HECTD4: variants seen among roughly 807,000 people sequenced by gnomAD.
HECTD4 encodes probable E3 ubiquitin-protein ligase HECTD4.
In HECTD4, 114 loss-of-function variants were observed where a neutral mutation model predicts 471.5. That is an observed-to-expected ratio of 0.24 (90% CI 0.21 to 0.28). HECTD4 has a LOEUF of 0.28. Among genes scored for constraint, HECTD4 ranks in the 10% least tolerant of loss-of-function variants. HECTD4 has a pLI of 1.00. For missense variants in HECTD4, 3,866 were observed against 5,651.5 expected, an observed-to-expected ratio of 0.68 and a Z score of 10.13; for synonymous variants, 2,012 against 2,256.0, an observed-to-expected ratio of 0.89 and a Z score of 3.07.
At chr12:112,246,531 A>T (rs1330585941) in intron 29 of HECTD4, among the ~76,000 whole-genome samples, 1 of 152,150 alleles carries the variant, frequency 6.6e-6, no homozygotes. Flanking sequence ...CTTACTCAGG[A>T]GGCTGAAGCA....
At chr12:112,277,828 C>T (rs371413538) in intron 9 of HECTD4, among the ~76,000 whole-genome samples, 32 of 152,232 alleles carry the variant, frequency 2.1e-4, no homozygotes, top group African/African-American at 7.5e-4. Context: ...AGTGTCCTCA[C>T]ACTATCCTAT....
intron 14 of HECTD4, among the ~76,000 whole-genome samples, chr12:112,266,702 C>T (rs562927924): frequency 1.7e-4 from 26 of 152,274 alleles, no homozygotes; most frequent in Admixed American, 6.5e-4. Context: ...AGGCTGGTCT[C>T]GAGCTCCTGG....
intron 1 of HECTD4, among the ~76,000 whole-genome samples, chr12:112,326,620 G>A (rs2035751182): frequency 6.6e-6 from 1 of 152,208 alleles, no homozygotes; most frequent in Non-Finnish European, 1.5e-5. Context: ...GATGTGAAAT[G>A]TGAAATGCCA....
At chr12:112,203,438 A>G (rs1369077259) in intron 54 of HECTD4, 198 bp downstream of exon 54, 2 of 466,572 alleles carry the variant, frequency 4.3e-6, no homozygotes, top group African/African-American at 2.0e-5. Flanking sequence ...CCTACCATCT[A>G]CTGCCAGCCC....
At chr12:112,240,711 A>G (rs980606818) in intron 32 of HECTD4, among the ~76,000 whole-genome samples, 3 of 152,164 alleles carry the variant, frequency 2.0e-5, no homozygotes, top group African/African-American at 7.2e-5. Context: ...TCGGCCTCCC[A>G]AAGTGCTGGG....
chr12:112,217,329 AC>A, intron 45 of HECTD4, 134 bp from the exon 46 acceptor site: 1 of 493,910 alleles, frequency 2.0e-6, no homozygotes, highest in Non-Finnish European at 3.4e-6. Flanking sequence ...ACACACACAC[AC>A]ACACATACAC....
rs147314911 is a variant in HECTD4, at chr12:112,345,739, C to G, written c.178-25997G>C. On this transcript the variant is annotated intron_variant, in intron 1 of 75. Transcript: ENST00000682272. ...TGAAACCCCGTCTCTACTAAAAATA[C>G]AAAAAATTAGCCGGGCATGGTGGCG... is the stretch of plus-strand genomic sequence containing the variant. Among the ~76,000 whole-genome samples the G allele has an allele frequency of 8.1e-3, 1,227 of 152,040 alleles. 15 individuals carry two copies. Among genetic ancestry groups the G allele is most frequent in the African/African-American group, 0.028 (1,178 of 41,472 alleles).
At chr12:112,247,340 A>G (rs527864276) in intron 28 of HECTD4, 122 bp downstream of exon 28, 1 of 687,456 alleles carries the variant, frequency 1.5e-6, no homozygotes, top group South Asian at 2.4e-5. Context: ...AATGAGTTCC[A>G]ACTCTAAAAT....
rs780884155 is a variant in HECTD4 at position 112,259,243 on chromosome 12, T to G, written c.2896A>C (p.Thr966Pro). 1 of 1,613,878 alleles carries G rather than the reference T, an allele frequency of 6.2e-7. No homozygotes were observed. Among genetic ancestry groups the G allele is most frequent in the Admixed American group, 1.7e-5 (1 of 59,982 alleles). Residue 966 changes from threonine to proline, a missense_variant, in exon 19 of 76, where the codon ACT (threonine) becomes CCT (proline). Transcript: ENST00000682272. ...EQRLKGLEQV[T>P]KATMLGHLLP... ...AGGTGACCAAGCATAGTAGCCTTAG[T>G]AACTTGTTCCAAGCCTTTTAACCTA...
rs1476541830 is a variant in HECTD4, at chr12:112,309,665, A to G, written c.921T>C (p.Ala307=). The G allele has an allele frequency of 2.7e-6, 4 of 1,499,282 alleles. No individual in the cohort carries two copies. Among genetic ancestry groups the G allele is most frequent in the Non-Finnish European group, 3.6e-6 (4 of 1,118,364 alleles). The allele number at this position is 1,499,282 out of a possible 1,614,324, so 92.9% of individuals were successfully genotyped here. A position where few individuals can be genotyped will look rare whatever the true frequency, so the allele number is the denominator to read the frequency against. Residue 307 remains alanine, a synonymous_variant, in exon 5 of 76, where the codon GCT becomes GCC. Coordinates refer to ENST00000682272, the MANE Select transcript of HECTD4 (RefSeq NM_001388303.1). ...CTGCCGTGAGACAGCGTCCCAAGTC[A>G]GCATCTGAAATCGTTTTTTCACAGG... ...NTGSSSENKD[A]DLGRCLTADG... is the part of the protein sequence containing the mutation.
intron 52 of HECTD4, among the ~76,000 whole-genome samples, chr12:112,205,751 C>T (rs571722006): frequency 1.3e-5 from 2 of 151,924 alleles, no homozygotes; most frequent in Non-Finnish European, 2.9e-5. Flanking sequence ...CTACCACACT[C>T]GGCTAATATT....
At chr12:112,374,399 C>A (rs1243843911) in intron 1 of HECTD4, among the ~76,000 whole-genome samples, 2 of 152,190 alleles carry the variant, frequency 1.3e-5, no homozygotes, top group Non-Finnish European at 2.9e-5. Flanking sequence ...GCTAGAATTT[C>A]AATCCCAGTT....
intron 7 of HECTD4, among the ~76,000 whole-genome samples, chr12:112,304,845 A>C (rs2035241213): frequency 6.6e-6 from 1 of 152,204 alleles, no homozygotes; most frequent in Non-Finnish European, 1.5e-5. Context: ...GAGACTCCTG[A>C]TGGATAGTCT....
chr12:112,288,312 C>G (rs934172025), intron 7 of HECTD4, among the ~76,000 whole-genome samples: 2 of 120,412 alleles, frequency 1.7e-5, no homozygotes, highest in Non-Finnish European at 3.3e-5. Context: ...GAGCAAGACT[C>G]TGTCTCAAAA....
intron 35 of HECTD4, among the ~76,000 whole-genome samples, chr12:112,236,592 A>G (rs1020366164): frequency 2.0e-5 from 3 of 152,222 alleles, no homozygotes; most frequent in African/African-American, 7.2e-5. Context: ...AAGTGAGTTA[A>G]TTACAGGCCC....
intron 32 of HECTD4, among the ~76,000 whole-genome samples, chr12:112,240,484 C>T (rs1166591193): frequency 6.7e-6 from 1 of 149,960 alleles, no homozygotes; most frequent in Non-Finnish European, 1.5e-5. Flanking sequence ...GGGTCTTGGT[C>T]TGTTACCCAG....
intron 2 of HECTD4, among the ~76,000 whole-genome samples, chr12:112,316,124 G>A (rs756655132): frequency 2.6e-5 from 4 of 151,928 alleles, no homozygotes; most frequent in Non-Finnish European, 5.9e-5. Context: ...TTCATCTCCT[G>A]CCCCTCTCCT....
chr12:112,179,244 C>G lies in HECTD4; in HGVS notation c.11141G>C (p.Gly3714Ala). The change falls in exon 63 of 76, where the codon GGC (glycine) becomes GCC (alanine). Residue 3714 changes from glycine (G) to alanine (A), a missense_variant. Physicochemically the swap from Gly to Ala is moderately conservative, Grantham distance 60. This residue lies in a region of HECTD4 where 715 missense variants were observed against 1,087.6 expected (regional missense o/e 0.66). Transcript: ENST00000682272. The surrounding 1 kb of genome is among the most constrained non-coding windows in gnomAD (Gnocchi z 4.3). Reference sequence around the variant, plus strand: ...GGTGAAGAAGAGGTGGAGGAGGTTGCCTGGGGTCTGGGAGTTGATCTGCTC... The same window carrying G: ...GGTGAAGAAGAGGTGGAGGAGGTTGGCTGGGGTCTGGGAGTTGATCTGCTC... The part of the protein sequence containing the change: ...SKEQINSQTP[G>A]NLLHLFFTNV... 1 of 1,613,782 alleles carries G rather than the reference C, an allele frequency of 6.2e-7. No individual in the cohort carries two copies. The highest frequency in any genetic ancestry group is 8.5e-7 in the Non-Finnish European group (1 of 1,179,810).
rs767626839 is a variant in HECTD4 at position 112,239,089 on chromosome 12, C to T, written c.5253G>A (p.Val1751=). Residue 1751 remains valine, a synonymous_variant, in exon 34 of 76, where the codon GTG becomes GTA. Coordinates refer to ENST00000682272, the MANE Select transcript of HECTD4 (RefSeq NM_001388303.1). The surrounding 1 kb of genome is among the most constrained non-coding windows in gnomAD (Gnocchi z 4.9). ...VATMAWAAFQ[V]LANRCVEWEK... Reference sequence around the variant, plus strand: ...CCCACTCAACACAGCGGTTGGCAAGCACCTGGAAGGCAGCCCAGGCCATGG... The same window carrying T: ...CCCACTCAACACAGCGGTTGGCAAGTACCTGGAAGGCAGCCCAGGCCATGG... The T allele has an allele frequency of 1.2e-6, 2 of 1,613,476 alleles. No homozygotes were observed. Among genetic ancestry groups the T allele is most frequent in the South Asian group, 1.1e-5 (1 of 90,926 alleles).
Sources: allele counts gnomAD v4.1 joint callset (sites outside exome capture counted in the v4.1 genomes callset), GRCh38; gene constraint gnomAD v4.1.1; regional missense constraint gnomAD v4.1.1; non-coding constraint Gnocchi (gnomAD v3.1); transcripts MANE v1.5; gene names NCBI Gene and HGNC (gene_info 2026-07-23, HGNC 2026-07-21).